Variants in MAP4K2 observed in about 807,000 individuals in gnomAD.
The protein encoded by MAP4K2 is B lymphocyte serine/threonine protein kinase.
MAP4K2 carries 85 observed loss-of-function variants against 125.3 expected under a neutral mutation model. The observed-to-expected ratio is 0.68, with a 90% confidence interval of 0.57 to 0.81. The LOEUF is 0.81. MAP4K2 is among the 40% of genes least tolerant of loss of function. The pLI is 0.00. For missense variants in MAP4K2, 923 were observed against 1,056.4 expected, an observed-to-expected ratio of 0.87 and a Z score of 1.75; for synonymous variants, 479 against 445.1, an observed-to-expected ratio of 1.08 and a Z score of -0.96.
rs1279548390 is a variant in MAP4K2 at position 64,800,236 on chromosome 11, G to A, written c.808-20C>T. ...CGGGTGCTGGAAAGTGGGGGAGGGG[G>A]GTGATCAGGTTGGCCCCTGATCCAG... On this transcript the variant is annotated intron_variant, in intron 11 of 31. Transcript: ENST00000294066. 2 of 1,611,432 alleles carry A rather than the reference G, an allele frequency of 1.2e-6. No homozygotes were observed. The highest frequency in any genetic ancestry group is 2.7e-5 in the African/African-American group (2 of 74,892).
chr11:64,802,979 G>A (rs1415944872), intron 1 of MAP4K2, 37 bp from the exon 2 acceptor site: 2 of 1,557,838 alleles, frequency 1.3e-6, no homozygotes, highest in Admixed American at 1.9e-5. Context: ...TGGGGGGCGG[G>A]GCCGGGGGCT....
In MAP4K2 at chr11:64,790,405, A is replaced by T. The variant is rs766782005; in HGVS notation, c.2150T>A (p.Val717Asp). The T allele has an allele frequency of 6.2e-7, 1 of 1,614,028 alleles. No individual in the cohort carries two copies. Among genetic ancestry groups the T allele is most frequent in the African/African-American group, 1.3e-5 (1 of 74,922 alleles). The stretch of plus-strand genomic sequence containing the variant: ...CCCAGGGCACTCACGTTCAAAGCTG[A>T]CTAGGATTGTGTCCCTGTCCACCTG... ...VIQVDRDTIL[V>D]SFERCVRIVN... The change falls in exon 28 of 32, where the codon GTC becomes GAC. Residue 717 changes from valine to aspartate, a missense_variant. By Grantham distance (152) the Val-to-Asp change is radical. Transcript: ENST00000294066.
intron 1 of MAP4K2, 27 bp from the exon 2 acceptor site, chr11:64,802,969 TG>T (rs1034629939): frequency 1.1e-5 from 16 of 1,460,428 alleles, no homozygotes; most frequent in East Asian, 2.4e-5. Context: ...TGAAGCGGGA[TG>T]GGGGGCGGGG....
chr11:64,790,732 G>A (rs1373932073), intron 27 of MAP4K2, among the ~76,000 whole-genome samples: 2 of 152,206 alleles, frequency 1.3e-5, no homozygotes, highest in African/African-American at 4.8e-5. Flanking sequence ...CAGGCCTCGT[G>A]ACCCAGTCAC....
In MAP4K2 at chr11:64,789,295, G is replaced by A. The variant is rs1183957811; in HGVS notation, c.*242C>T. 3 of 558,122 alleles carry A rather than the reference G, an allele frequency of 5.4e-6. No individual in the cohort carries two copies. The highest frequency in any genetic ancestry group is 3.8e-5 in the African/African-American group (2 of 52,982). The allele number at this position is 558,122 out of a possible 1,614,324, so 34.6% of individuals were successfully genotyped here. ...CCAGGGTCCCTGCCTTGGGCACTAG[G>A]GACTGGGCTGCCTCGGGGATGGGGG... is the stretch of plus-strand genomic sequence containing the variant. On this transcript the variant is annotated 3_prime_UTR_variant, in exon 32 of 32. Coordinates refer to ENST00000294066, the MANE Select transcript of MAP4K2 (RefSeq NM_004579.5).
Position 64,789,127 on chromosome 11 carries a change from A to AC in MAP4K2, c.*409dup, listed in dbSNP as rs1940325081. On this transcript the variant is annotated 3_prime_UTR_variant, in exon 32 of 32. Coordinates refer to ENST00000294066, the MANE Select transcript of MAP4K2 (RefSeq NM_004579.5). ...GGGTTCACTCCCCCTACCCAGAGGG[A>AC]CCAGAGGACTAAAACAAACCAGCTT... is the stretch of plus-strand genomic sequence containing the variant. 1 of 210,708 alleles carries AC rather than the reference A, an allele frequency of 4.7e-6. No homozygotes were observed. Among genetic ancestry groups the AC allele is most frequent in the East Asian group, 1.2e-4 (1 of 8,410 alleles). 13.1% of individuals were successfully genotyped at this position (210,708 alleles called of 1,614,324 possible).
At chr11:64,792,445 C>G (rs1183321867) in intron 24 of MAP4K2, 23 bp from the exon 25 acceptor site, 1 of 1,570,004 alleles carries the variant, frequency 6.4e-7, no homozygotes, top group South Asian at 1.2e-5. Flanking sequence ...TAACCAGGGC[C>G]TGTGTCTGGG....
At chr11:64,795,976 G>A (rs926684184) in intron 24 of MAP4K2, among the ~76,000 whole-genome samples, 16 of 152,092 alleles carry the variant, frequency 1.1e-4, no homozygotes, top group African/African-American at 3.4e-4. Flanking sequence ...CCCAGCATAG[G>A]GGCCAACATA....
Position 64,801,039 on chromosome 11 carries a change from T to C in MAP4K2, c.531-8A>G. Reference sequence around the variant, plus strand: ...GCCACCTCGGGAGCCATCCTAGAGGTGGGGTCACAGATGGGATGGCCGGGT... The same window carrying C: ...GCCACCTCGGGAGCCATCCTAGAGGCGGGGTCACAGATGGGATGGCCGGGT... On this transcript the variant is annotated splice_region_variant and splice_polypyrimidine_tract_variant and intron_variant, in intron 8 of 31. Coordinates refer to ENST00000294066, the MANE Select transcript of MAP4K2 (RefSeq NM_004579.5). The C allele has an allele frequency of 1.2e-6, 2 of 1,613,738 alleles. No homozygotes were observed. Among genetic ancestry groups the C allele is most frequent in the Non-Finnish European group, 1.7e-6 (2 of 1,179,990 alleles).
chr11:64,800,023 C>T, intron 12 of MAP4K2, 86 bp downstream of exon 12: 2 of 1,109,648 alleles, frequency 1.8e-6, no homozygotes, highest in Non-Finnish European at 2.7e-6. Context: ...GGAATGGTGC[C>T]AGTTAAAGGA....
At chr11:64,790,350 C>T in intron 28 of MAP4K2, 44 bp downstream of exon 28, 1 of 1,613,542 alleles carries the variant, frequency 6.2e-7, no homozygotes, top group Non-Finnish European at 8.5e-7. Flanking sequence ...GGTCGCCTTA[C>T]CTCCATAGTC....
chr11:64,801,144 G>A lies in MAP4K2; in HGVS notation c.497C>T (p.Ala166Val). 1 of 1,613,476 alleles carries A rather than the reference G, an allele frequency of 6.2e-7. No homozygotes were observed. Among genetic ancestry groups the A allele is most frequent in the Non-Finnish European group, 8.5e-7 (1 of 1,179,974 alleles). Residue 166 changes from alanine (A) to valine (V), a missense_variant, in exon 8 of 32, where the codon GCC (alanine) becomes GTC (valine). By Grantham distance (64) the Ala-to-Val change is moderately conservative. This residue lies in a region of MAP4K2 where 833 missense variants were observed against 911.4 expected (regional missense o/e 0.91). Coordinates refer to ENST00000294066, the MANE Select transcript of MAP4K2 (RefSeq NM_004579.5). ...GVSGELTASV[A>V]KRRSFIGTPY... The stretch of plus-strand genomic sequence containing the variant: ...AGTCCCAATGAAAGACCTCCTCTTG[G>A]CCACAGACGCTGTCAGCTCGCCTGA...
At position 64,801,113 on chromosome 11, in the gene MAP4K2, G is replaced by A; in HGVS notation, c.528C>T (p.Tyr176=). 6.2e-7 allele frequency: 1 copy of A among 1,613,628 alleles called. No homozygotes were observed. The highest frequency in any genetic ancestry group is 8.5e-7 in the Non-Finnish European group (1 of 1,179,984). ...CTCCGCCCCAGGCGCAGCCTCACCA[G>A]TAGGGAGTCCCAATGAAAGACCTCC... is the stretch of plus-strand genomic sequence containing the variant. The part of the protein sequence containing the change: ...AKRRSFIGTP[Y]WMAPEVAAVE... Residue 176 remains tyrosine, a splice_region_variant and synonymous_variant, in exon 8 of 32, where the codon TAC becomes TAT. Transcript: ENST00000294066.
Position 64,802,428 on chromosome 11 carries a change from TCTC to T in MAP4K2, c.298_300del (p.Glu100del). 1.3e-6 allele frequency: 2 copies of T among 1,493,958 alleles called. No homozygotes were observed. The highest frequency in any genetic ancestry group is 1.8e-6 in the Non-Finnish European group (2 of 1,121,496). The allele number at this position is 1,493,958 out of a possible 1,614,324, so 92.5% of individuals were successfully genotyped here. Reference sequence around the variant, plus strand: ...GGAGCCCTGGCCTCACCATGGTAAATCTCCTGCAGGGAGCCCCCTCCGCAGAAC... The same window carrying T: ...GGAGCCCTGGCCTCACCATGGTAAATCTGCAGGGAGCCCCCTCCGCAGAAC... On this transcript the variant is annotated inframe_deletion, in exon 4 of 32. Transcript: ENST00000294066.
Position 64,797,271 on chromosome 11 carries a change from T to A in MAP4K2, c.1276+4A>T, listed in dbSNP as rs761016120. On this transcript the variant is annotated splice_donor_region_variant and intron_variant, in intron 18 of 31. Transcript: ENST00000294066. Reference sequence around the variant, plus strand: ...CCTCCTGGCCTCCCAAGCCTGAGACTCACCTGGGGGACTGGACAGAGGCTC... The same window carrying A: ...CCTCCTGGCCTCCCAAGCCTGAGACACACCTGGGGGACTGGACAGAGGCTC... The A allele has an allele frequency of 6.2e-7, 1 of 1,600,672 alleles. No homozygotes were observed. The highest frequency in any genetic ancestry group is 1.7e-5 in the Admixed American group (1 of 57,624).
In MAP4K2 at chr11:64,798,793, C is replaced by G; in HGVS notation, c.1097+1G>C. The G allele has an allele frequency of 6.2e-7, 1 of 1,612,142 alleles. No individual in the cohort carries two copies. Among genetic ancestry groups the G allele is most frequent in the Non-Finnish European group, 8.5e-7 (1 of 1,179,066 alleles). ...CTGCAGCTTCCCCATACCTCACTTA[C>G]CCACTCAACTCTTCCTTTCCCAGTA... is the stretch of plus-strand genomic sequence containing the variant. On this transcript the variant is annotated splice_donor_variant, in intron 15 of 31. Transcript: ENST00000294066. LOFTEE classifies it high-confidence loss of function.
At chr11:64,795,487 G>C (rs565371820) in intron 24 of MAP4K2, among the ~76,000 whole-genome samples, 1 of 151,832 alleles carries the variant, frequency 6.6e-6, no homozygotes, top group South Asian at 2.1e-4. Flanking sequence ...TGCAACCTCT[G>C]CCTCTCAGGT....
intron 27 of MAP4K2, 142 bp from the exon 28 acceptor site, chr11:64,790,604 A>C: frequency 5.5e-6 from 4 of 720,998 alleles, no homozygotes; most frequent in South Asian, 1.6e-5. Context: ...GGGAAACCTC[A>C]TCTCCCTCCA....
chr11:64,790,588 G>A (rs1281627538), intron 27 of MAP4K2, 126 bp from the exon 28 acceptor site: 1 of 831,036 alleles, frequency 1.2e-6, no homozygotes, highest in African/African-American at 1.7e-5. Context: ...ACAGCCCTGT[G>A]GGGCTGGGAA....
Sources: gnomAD v4.1 joint callset for allele counts (sites outside exome capture counted in the v4.1 genomes callset) on GRCh38, gnomAD v4.1.1 for gene constraint, gnomAD v4.1.1 regional missense constraint, MANE v1.5 for transcripts, NCBI Gene and HGNC (gene_info 2026-07-23, HGNC 2026-07-21) for gene names.